The following EPHA6 variants were observed in gnomAD, a reference collection of about 807,000 sequenced individuals.
The protein encoded by EPHA6 is ephrin type-A receptor 6.
Under a neutral mutation model 112.0 loss-of-function variants are expected in EPHA6, and 50 were observed. That is an observed-to-expected ratio of 0.45 (90% CI 0.36 to 0.56). EPHA6 has a LOEUF of 0.56. EPHA6 is among the 20% of genes least tolerant of loss of function. The pLI is 0.00. For synonymous variants in EPHA6, 529 were observed against 490.7 expected, an observed-to-expected ratio of 1.08 and a Z score of -1.03; for missense variants, 1,280 against 1,417.4, an observed-to-expected ratio of 0.90 and a Z score of 1.56.
At chr3:97,711,742 G>A (rs1391061976) in intron 14 of EPHA6, among the ~76,000 whole-genome samples, 3 of 152,122 alleles carry the variant, frequency 2.0e-5, no homozygotes, top group African/African-American at 7.2e-5. Flanking sequence ...GAAAGCTTCT[G>A]TACTTAATCT....
At chr3:97,217,158 C>T (rs1500702) in intron 3 of EPHA6, among the ~76,000 whole-genome samples, 21,026 of 151,982 alleles carry the variant, frequency 0.14, 1,936 homozygotes, top group Non-Finnish European at 0.2. Context: ...CACTATTAAT[C>T]GAGAAGACAG....
intron 5 of EPHA6, among the ~76,000 whole-genome samples, chr3:97,283,622 G>C (rs2080365778): frequency 6.6e-6 from 1 of 152,022 alleles, no homozygotes; most frequent in African/African-American, 2.4e-5. Context: ...GAGGGGCAAG[G>C]GGAGGGAGAG....
In EPHA6 at chr3:97,652,331, G is replaced by A. The variant is rs73134944; in HGVS notation, c.2784+14249G>A. Among the ~76,000 whole-genome samples the A allele has an allele frequency of 4.5e-3, 687 of 151,598 alleles. 2 individuals carry two copies. The highest frequency in any genetic ancestry group is 0.01 in the Middle Eastern group (3 of 294). The stretch of plus-strand genomic sequence containing the variant: ...TGGCAAATAAAGTGAAAACATTACC[G>A]GTTATTTATGCTGTTTGCAACAGAC... On this transcript the variant is annotated intron_variant, in intron 14 of 17. Coordinates refer to ENST00000389672, the MANE Select transcript of EPHA6 (RefSeq NM_001080448.3).
At chr3:96,827,179 C>A (rs1018759071) in intron 1 of EPHA6, among the ~76,000 whole-genome samples, 1 of 152,050 alleles carries the variant, frequency 6.6e-6, no homozygotes, top group African/African-American at 2.4e-5. Flanking sequence ...GATCCTAAAG[C>A]CTCACACACG....
chr3:97,199,651 T>C (rs1030313341), intron 3 of EPHA6, among the ~76,000 whole-genome samples: 2 of 152,154 alleles, frequency 1.3e-5, no homozygotes, highest in African/African-American at 4.8e-5. Flanking sequence ...TTATATCAGT[T>C]CTTTGAGAAA....
intron 2 of EPHA6, among the ~76,000 whole-genome samples, chr3:96,960,240 T>C (rs2041907684): frequency 6.6e-6 from 1 of 152,164 alleles, no homozygotes; most frequent in South Asian, 2.1e-4. Context: ...GAAAGTGGTC[T>C]TGGAGAATGA....
intron 5 of EPHA6, among the ~76,000 whole-genome samples, chr3:97,327,322 G>A (rs1008467675): frequency 4.5e-4 from 68 of 152,034 alleles, no homozygotes; most frequent in African/African-American, 1.6e-3. Flanking sequence ...GCAAATATAA[G>A]AAATAATACA....
intron 5 of EPHA6, among the ~76,000 whole-genome samples, chr3:97,359,818 C>T (rs977258454): frequency 2.6e-5 from 4 of 151,358 alleles, no homozygotes; most frequent in Admixed American, 1.3e-4. Context: ...GATCAGCATG[C>T]GGTGTAAACG....
chr3:97,031,083 G>A (rs2044817437), intron 3 of EPHA6, among the ~76,000 whole-genome samples: 2 of 151,932 alleles, frequency 1.3e-5, no homozygotes, highest in Admixed American at 6.6e-5. Flanking sequence ...TACCAGTACC[G>A]GTACCAAAAC....
At chr3:96,819,387 T>C (rs1284143777) in intron 1 of EPHA6, among the ~76,000 whole-genome samples, 1 of 152,112 alleles carries the variant, frequency 6.6e-6, no homozygotes, top group African/African-American at 2.4e-5. Flanking sequence ...ACAAAAGATA[T>C]AAATTTCCCT....
intron 5 of EPHA6, among the ~76,000 whole-genome samples, chr3:97,338,795 A>G (rs1400674391): frequency 6.6e-6 from 1 of 152,104 alleles, no homozygotes; most frequent in Non-Finnish European, 1.5e-5. Context: ...GTTGCAAGTG[A>G]TAGAGATGCC....
intron 1 of EPHA6, among the ~76,000 whole-genome samples, chr3:96,852,091 A>G (rs960342000): frequency 2.7e-4 from 41 of 152,144 alleles, no homozygotes; most frequent in African/African-American, 8.2e-4. Context: ...GGACCATTTC[A>G]GTACAATGTG....
intron 5 of EPHA6, among the ~76,000 whole-genome samples, chr3:97,270,383 C>A (rs1459299009): frequency 6.6e-6 from 1 of 152,108 alleles, no homozygotes; most frequent in Non-Finnish European, 1.5e-5. Flanking sequence ...GTTAAGAAAT[C>A]TTTTTATCCT....
rs551042242 is a variant in EPHA6, at chr3:96,870,501, A to G, written c.450+3612A>G. 3.9e-5 allele frequency among the ~76,000 whole-genome samples: 6 copies of G among 152,246 alleles called. No homozygotes were observed. The South Asian group carries it at 1.0e-3, about 26-fold the overall frequency. ...TATTCTTTAATTTATCTATTGATTC[A>G]AATACTAAGCTCTTCCAGAAACATC... On this transcript the variant is annotated intron_variant, in intron 2 of 17. Transcript: ENST00000389672.
intron 6 of EPHA6, among the ~76,000 whole-genome samples, chr3:97,413,998 G>C (rs2107144300): frequency 6.6e-6 from 1 of 152,042 alleles, no homozygotes; most frequent in Admixed American, 6.6e-5. Flanking sequence ...TACCATATTT[G>C]TGTCTATTCC....
At chr3:96,914,588 G>A (rs1328940116) in intron 2 of EPHA6, among the ~76,000 whole-genome samples, 1 of 152,140 alleles carries the variant, frequency 6.6e-6, no homozygotes, top group Non-Finnish European at 1.5e-5. Context: ...TTCACATAGG[G>A]TTTGAGGATA....
At chr3:96,882,137 GC>G (rs2037350684) in intron 2 of EPHA6, among the ~76,000 whole-genome samples, 1 of 152,134 alleles carries the variant, frequency 6.6e-6, no homozygotes, top group Non-Finnish European at 1.5e-5. Flanking sequence ...ATTAGGCAGT[GC>G]CCCTGTAGGA....
intron 2 of EPHA6, among the ~76,000 whole-genome samples, chr3:96,953,774 C>G (rs2041647875): frequency 6.6e-6 from 1 of 152,202 alleles, no homozygotes; most frequent in African/African-American, 2.4e-5. Flanking sequence ...ATATTCAAAC[C>G]ATTAGCAAAT....
intron 3 of EPHA6, among the ~76,000 whole-genome samples, chr3:97,048,500 T>C (rs1374395526): frequency 1.3e-5 from 2 of 152,150 alleles, no homozygotes; most frequent in Non-Finnish European, 2.9e-5. Context: ...TAATTGAACA[T>C]AAAGATTATT....
Sources: allele counts gnomAD v4.1 joint callset (sites outside exome capture counted in the v4.1 genomes callset), GRCh38; gene constraint gnomAD v4.1.1; transcripts MANE v1.5; gene names NCBI Gene and HGNC (gene_info 2026-07-23, HGNC 2026-07-21).